AHRR: variants seen among roughly 807,000 people sequenced by gnomAD.
AHRR encodes aryl hydrocarbon receptor repressor, also known as ahR repressor.
Under a neutral mutation model 44.0 loss-of-function variants are expected in AHRR, and 28 were observed. The observed-to-expected ratio is 0.64, with a 90% CI of 0.47 to 0.87. AHRR has a LOEUF of 0.87. AHRR is among the 40% of genes least tolerant of loss of function. The pLI, the probability that AHRR is intolerant of heterozygous loss-of-function variation, is 0.00. For missense variants in AHRR, 990 were observed against 953.9 expected (o/e 1.04, Z -0.50); for synonymous variants, 434 against 407.0 (o/e 1.07, Z -0.80).
Position 340,696 on chromosome 5 carries a change from T to A in AHRR, c.-10-3197T>A, listed in dbSNP as rs1399171019. Among the ~76,000 whole-genome samples, 58 of 35,492 alleles carry A rather than the reference T, an allele frequency of 1.6e-3. 1 individual carries two copies. Among genetic ancestry groups the A allele is most frequent in the Middle Eastern group, 0.014 (1 of 72 alleles). The allele number at this position is 35,492 out of a possible 152,430, so 23.3% of individuals were successfully genotyped here. On this transcript the variant is annotated intron_variant, in intron 1 of 10. Coordinates refer to ENST00000684583, the MANE Select transcript of AHRR (RefSeq NM_001377236.1). ...TATATATATATATATATATTTTTTT[T>A]TTTTTTTTTTTTTTTTTGAGTTGGA...
chr5:376,673 C>T lies in AHRR; in HGVS notation c.308C>T (p.Pro103Leu), dbSNP rs1733715021. 6.2e-7 allele frequency: 1 copy of T among 1,609,386 alleles called. No individual in the cohort carries two copies. The change falls in exon 4 of 11, where the codon CCT becomes CTT. Residue 103 changes from proline to leucine, a missense_variant. Transcript: ENST00000684583. The part of the protein sequence containing the change: ...AGAPSPGDSC[P>L]LAGSAVLEGR... ...GCCCCCTCGCCCGGAGACAGCTGTC[C>T]TCTTGCAGGGTCTGCCGTGCTGGAG...
At position 326,865 on chromosome 5, in the gene AHRR, C is replaced by A. The variant is rs1265921277; in HGVS notation, c.-11+5046C>A. Among the ~76,000 whole-genome samples the A allele has an allele frequency of 6.6e-6, 1 of 152,106 alleles. No individual in the cohort carries two copies. The highest frequency in any genetic ancestry group is 2.4e-5 in the African/African-American group (1 of 41,424). ...CTTGAGGTCGGGAGTTCGAGACCAGCCTGACCAATATGGTGAAACCCCATC... is the reference window on the plus strand; with the variant it reads ...CTTGAGGTCGGGAGTTCGAGACCAGACTGACCAATATGGTGAAACCCCATC... On this transcript the variant is annotated intron_variant, in intron 1 of 10. Transcript: ENST00000684583. This position sits in a 1 kb window ranked among gnomAD's most constrained non-coding sequence, Gnocchi z 4.1.
chr5:435,099 TTAGG>T lies in AHRR; in HGVS notation c.*266_*269del, dbSNP rs1320606421. 36 of 500,656 alleles carry T rather than the reference TTAGG, an allele frequency of 7.2e-5. No homozygotes were observed. The highest frequency in any genetic ancestry group is 1.2e-4 in the Non-Finnish European group (34 of 285,832). The allele number at this position is 500,656 out of a possible 1,614,324, so 31.0% of individuals were successfully genotyped here. A position where few individuals can be genotyped will look rare whatever the true frequency, so the allele number is the denominator to read the frequency against. ...ATTTCTCTTTGAGGAATTAAAATCT[TTAGG>T]AAAGTGATCATGGCTGGACAGCTTC... On this transcript the variant is annotated 3_prime_UTR_variant, in exon 11 of 11. Transcript: ENST00000684583.
chr5:386,298 T>G (rs1288252490), intron 4 of AHRR, among the ~76,000 whole-genome samples: 2 of 152,230 alleles, frequency 1.3e-5, no homozygotes, highest in Non-Finnish European at 2.9e-5. Flanking sequence ...ATAGACAGGA[T>G]AATGGGCCCA....
At chr5:376,525 G>T in intron 3 of AHRR, 85 bp from the exon 4 acceptor site, 11 of 1,427,638 alleles carry the variant, frequency 7.7e-6, no homozygotes, top group African/African-American at 1.5e-5. Context: ...GGGTGAACGC[G>T]GGGAAACACA....
chr5:380,753 T>C (rs1733946488), intron 4 of AHRR, among the ~76,000 whole-genome samples: 1 of 152,224 alleles, frequency 6.6e-6, no homozygotes, highest in East Asian at 1.9e-4. Flanking sequence ...ATAGATTTTA[T>C]TAGTCAGGAG....
chr5:424,004 G>T, intron 7 of AHRR, 27 bp downstream of exon 7: 1 of 1,586,752 alleles, frequency 6.3e-7, no homozygotes, highest in Non-Finnish European at 8.5e-7. Context: ...CTGGCAGGGG[G>T]CTCCCGACAT....
intron 3 of AHRR, among the ~76,000 whole-genome samples, chr5:368,819 G>A (rs1426778079): frequency 1.3e-5 from 2 of 152,240 alleles, no homozygotes; most frequent in Admixed American, 6.5e-5. Flanking sequence ...CCCAGTCTTC[G>A]CTGGCTCAGA....
In AHRR at chr5:434,954, T is replaced by C; in HGVS notation, c.*120T>C. On this transcript the variant is annotated 3_prime_UTR_variant, in exon 11 of 11. Coordinates refer to ENST00000684583, the MANE Select transcript of AHRR (RefSeq NM_001377236.1). ...CTAAGACACACGCTTTGCAGAGCTG[T>C]GCATGCGCAGTCTGCTAGTGTGTGT... The C allele has an allele frequency of 2.2e-6, 3 of 1,348,850 alleles. No individual in the cohort carries two copies. Among genetic ancestry groups the C allele is most frequent in the Non-Finnish European group, 3.0e-6 (3 of 1,013,318 alleles). The allele number at this position is 1,348,850 out of a possible 1,614,324, so 83.6% of individuals were successfully genotyped here. A position where few individuals can be genotyped will look rare whatever the true frequency, so the allele number is the denominator to read the frequency against.
In AHRR at chr5:388,265, C is replaced by G. The variant is rs1029422775; in HGVS notation, c.351+11549C>G. Among the ~76,000 whole-genome samples, 1 of 152,172 alleles carries G rather than the reference C, an allele frequency of 6.6e-6. No homozygotes were observed. On this transcript the variant is annotated intron_variant, in intron 4 of 10. Coordinates refer to ENST00000684583, the MANE Select transcript of AHRR (RefSeq NM_001377236.1). This position sits in a 1 kb window ranked among gnomAD's most constrained non-coding sequence, Gnocchi z 5.2. ...AGGGTTGGGGCAGAAACTCAGGCCTCCCCCCGTCCCGAACCCAAGCCCTGA... is the reference window on the plus strand; with the variant it reads ...AGGGTTGGGGCAGAAACTCAGGCCTGCCCCCGTCCCGAACCCAAGCCCTGA...
intron 2 of AHRR, among the ~76,000 whole-genome samples, chr5:348,766 T>C (rs1742762976): frequency 6.6e-6 from 1 of 152,220 alleles, no homozygotes; most frequent in African/African-American, 2.4e-5. Flanking sequence ...GTTCAGGTCG[T>C]TCTCTGTTTT....
Position 432,851 on chromosome 5 carries a change from C to G in AHRR, c.1016C>G (p.Thr339Ser). 6.2e-7 allele frequency: 1 copy of G among 1,613,816 alleles called. No individual in the cohort carries two copies. The highest frequency in any genetic ancestry group is 8.5e-7 in the Non-Finnish European group (1 of 1,180,030). The change falls in exon 10 of 11, where the codon ACT (threonine) becomes AGT (serine). Residue 339 changes from threonine to serine, a missense_variant. By Grantham distance (58) the Thr-to-Ser change is moderately conservative. Coordinates refer to ENST00000684583, the MANE Select transcript of AHRR (RefSeq NM_001377236.1). ...GGCGTTTTGGTGCTCAGGGAACAGACTGACGCTGGCCGATGGGCACAGGTT... is the reference window on the plus strand; with the variant it reads ...GGCGTTTTGGTGCTCAGGGAACAGAGTGACGCTGGCCGATGGGCACAGGTT... ...ESGVLVLREQ[T>S]DAGRWAQVPA...
chr5:325,073 C>G (rs188581956), intron 1 of AHRR, among the ~76,000 whole-genome samples: 1 of 152,346 alleles, frequency 6.6e-6, no homozygotes, highest in African/African-American at 2.4e-5. Context: ...AACGAGGCTT[C>G]CGTCTCAATT....
intron 2 of AHRR, among the ~76,000 whole-genome samples, chr5:349,579 C>CAA (rs35232794): frequency 2.2e-4 from 29 of 129,566 alleles, no homozygotes; most frequent in African/African-American, 7.8e-4. Flanking sequence ...GACTCCGTCT[C>CAA]AAAAAAAAAA....
Position 370,982 on chromosome 5 carries a change from CTTA to C in AHRR, c.245-5623_245-5621del. On this transcript the variant is annotated intron_variant, in intron 3 of 10. Transcript: ENST00000684583. The surrounding 1 kb of genome is among the most constrained non-coding windows in gnomAD (Gnocchi z 4.5). ...CCGACCGGAGACAGATATGGGGAGG[CTTA>C]TTATGAGCAGGTGTCTCAGACAGCT... 1.3e-5 allele frequency among the ~76,000 whole-genome samples: 2 copies of C among 152,288 alleles called. No homozygotes were observed. The highest frequency in any genetic ancestry group is 3.4e-3 in the Middle Eastern group (1 of 294).
chr5:328,285 T>TG (rs779650763), intron 1 of AHRR, among the ~76,000 whole-genome samples: 5 of 115,008 alleles, frequency 4.3e-5, no homozygotes, highest in African/African-American at 1.2e-4. Context: ...TTTTTTTTTT[T>TG]GAGACAGAGT....
rs374731058 is a variant in AHRR, at chr5:385,099, AAAAC to A, written c.351+8399_351+8402del. ...GTGGACATTGCAGTGAGAAAAAACA[AAAAC>A]AAACAAACAAACAAAACTCTCTTTA... is the stretch of plus-strand genomic sequence containing the variant. On this transcript the variant is annotated intron_variant, in intron 4 of 10. Transcript: ENST00000684583. Among the ~76,000 whole-genome samples, 236 of 152,318 alleles carry A rather than the reference AAAAC, an allele frequency of 1.5e-3. 1 individual carries two copies. Among genetic ancestry groups the A allele is most frequent in the African/African-American group, 3.5e-3 (144 of 41,578 alleles).
chr5:379,458 T>G (rs894126965), intron 4 of AHRR, among the ~76,000 whole-genome samples: 1 of 152,256 alleles, frequency 6.6e-6, no homozygotes, highest in African/African-American at 2.4e-5. Flanking sequence ...TTTTTAACTC[T>G]TATCCCCCAG....
chr5:339,563 A>G (rs1441978464), intron 1 of AHRR, among the ~76,000 whole-genome samples: 1 of 152,096 alleles, frequency 6.6e-6, no homozygotes, highest in Non-Finnish European at 1.5e-5. Context: ...CCTGGCTAGT[A>G]CACAAATAAT....
Sources: allele counts gnomAD v4.1 joint callset (sites outside exome capture counted in the v4.1 genomes callset), GRCh38; gene constraint gnomAD v4.1.1; non-coding constraint Gnocchi (gnomAD v3.1); transcripts MANE v1.5; gene names NCBI Gene and HGNC (gene_info 2026-07-23, HGNC 2026-07-21).